Variants in CSMD1 observed in about 807,000 individuals in gnomAD.
The protein encoded by CSMD1 is CUB and sushi domain-containing protein 1.
In CSMD1, 213 loss-of-function variants were observed where a neutral mutation model predicts 417.5. The ratio of observed to expected loss-of-function variants is 0.51; its 90% CI spans 0.46 to 0.57. CSMD1 has a LOEUF of 0.57. CSMD1 is among the 20% of genes least tolerant of loss of function. CSMD1 has a pLI of 0.00. For synonymous variants in CSMD1, 2,862 were observed against 1,736.8 expected (o/e 1.65, Z -16.11); for missense variants, 6,923 against 4,529.7 (o/e 1.53, Z -15.17).
At chr8:3,308,039 C>G (rs1270975290) in intron 24 of CSMD1, among the ~76,000 whole-genome samples, 4 of 151,828 alleles carry the variant, frequency 2.6e-5, no homozygotes, top group Admixed American at 2.6e-4. Context: ...GAGCATAAAG[C>G]AATAAGACAC....
chr8:4,233,793 C>G (rs1249836183), intron 3 of CSMD1, among the ~76,000 whole-genome samples: 1 of 152,068 alleles, frequency 6.6e-6, no homozygotes, highest in Non-Finnish European at 1.5e-5. Context: ...AGTAGAGTAT[C>G]TTTAGGATAT....
chr8:4,468,132 C>T (rs1310671968), intron 2 of CSMD1, among the ~76,000 whole-genome samples: 1 of 152,102 alleles, frequency 6.6e-6, no homozygotes, highest in Non-Finnish European at 1.5e-5. Flanking sequence ...AACTTTTTGA[C>T]TAAAAAAAGC....
At chr8:3,143,252 G>T (rs1345579596) in intron 40 of CSMD1, among the ~76,000 whole-genome samples, 2 of 152,154 alleles carry the variant, frequency 1.3e-5, no homozygotes, top group East Asian at 3.9e-4. Context: ...TAACTGGACG[G>T]TCATACCATA....
intron 5 of CSMD1, among the ~76,000 whole-genome samples, chr8:3,842,818 T>C (rs1803220705): frequency 6.6e-6 from 1 of 152,170 alleles, no homozygotes; most frequent in African/African-American, 2.4e-5. Flanking sequence ...TGTTCAAAAA[T>C]ACATTAGCAG....
At position 3,369,237 on chromosome 8, in the gene CSMD1, C is replaced by G; in HGVS notation, c.2899+17G>C. 1 of 1,220,788 alleles carries G rather than the reference C, an allele frequency of 8.2e-7. No homozygotes were observed. Among genetic ancestry groups the G allele is most frequent in the East Asian group, 2.3e-5 (1 of 42,882 alleles). 75.6% of individuals were successfully genotyped at this position (1,220,788 alleles called of 1,614,324 possible). On this transcript the variant is annotated intron_variant, in intron 19 of 69. Transcript: ENST00000635120. Reference sequence around the variant, plus strand: ...ATTTATTAGTCTGTATGTTTGAGACCTATGATAGATTCTTACCTTTCCCAT... The same window carrying G: ...ATTTATTAGTCTGTATGTTTGAGACGTATGATAGATTCTTACCTTTCCCAT...
intron 18 of CSMD1, among the ~76,000 whole-genome samples, chr8:3,371,257 C>G (rs763262011): frequency 4.5e-4 from 69 of 152,196 alleles, no homozygotes; most frequent in Non-Finnish European, 1.3e-4. Context: ...CTGGAGCACA[C>G]TGACTAATAC....
intron 37 of CSMD1, among the ~76,000 whole-genome samples, chr8:3,169,235 C>G (rs1054188493): frequency 6.6e-6 from 1 of 152,120 alleles, no homozygotes; most frequent in African/African-American, 2.4e-5. Context: ...CTGTTTACAT[C>G]CTAGGAGAAA....
At chr8:3,047,165 G>C (rs1024008181) in intron 50 of CSMD1, among the ~76,000 whole-genome samples, 6 of 127,156 alleles carry the variant, frequency 4.7e-5, no homozygotes, top group Admixed American at 4.1e-4. Flanking sequence ...CCAAGATCCA[G>C]ATCACACCAC....
intron 5 of CSMD1, among the ~76,000 whole-genome samples, chr8:3,908,877 A>C (rs1476608505): frequency 2.0e-5 from 3 of 152,206 alleles, no homozygotes; most frequent in Non-Finnish European, 4.4e-5. Context: ...GTAATATAAT[A>C]ACACACCTTC....
intron 5 of CSMD1, among the ~76,000 whole-genome samples, chr8:3,800,409 A>G (rs1800390902): frequency 6.6e-6 from 1 of 152,174 alleles, no homozygotes; most frequent in Non-Finnish European, 1.5e-5. Flanking sequence ...AATTATTGAC[A>G]CCTGTGAAGT....
chr8:4,246,520 A>T (rs891094974), intron 3 of CSMD1, among the ~76,000 whole-genome samples: 2 of 152,160 alleles, frequency 1.3e-5, no homozygotes, highest in Non-Finnish European at 2.9e-5. Context: ...GACCCTTGTG[A>T]AAATTACTTT....
chr8:3,083,178 A>T (rs10102519), intron 49 of CSMD1, among the ~76,000 whole-genome samples: 15,391 of 152,044 alleles, frequency 0.1, 743 homozygotes, highest in African/African-American at 0.14. Context: ...CTTATATATT[A>T]ACTCTCTTTA....
At chr8:3,776,626 T>C (rs1798899358) in intron 5 of CSMD1, among the ~76,000 whole-genome samples, 1 of 152,058 alleles carries the variant, frequency 6.6e-6, no homozygotes, top group Non-Finnish European at 1.5e-5. Context: ...AGACTCCATA[T>C]CCAGCCATCA....
chr8:4,711,314 A>T (rs1173215147), intron 1 of CSMD1, among the ~76,000 whole-genome samples: 1 of 152,218 alleles, frequency 6.6e-6, no homozygotes, highest in Non-Finnish European at 1.5e-5. Flanking sequence ...AATAAACTGA[A>T]GGGCAAATTA....
intron 3 of CSMD1, among the ~76,000 whole-genome samples, chr8:4,035,119 G>T (rs1013829614): frequency 2.6e-5 from 4 of 152,156 alleles, no homozygotes; most frequent in African/African-American, 7.2e-5. Context: ...CCTAACAACA[G>T]CTCAATGATA....
chr8:4,468,569 C>T (rs1800331399), intron 2 of CSMD1, among the ~76,000 whole-genome samples: 2 of 152,282 alleles, frequency 1.3e-5, no homozygotes, highest in South Asian at 4.1e-4. Flanking sequence ...AATCCTCCTT[C>T]CTTGATTCAT....
At chr8:3,086,409 A>G (rs1288633442) in intron 49 of CSMD1, among the ~76,000 whole-genome samples, 1 of 152,168 alleles carries the variant, frequency 6.6e-6, no homozygotes, top group Admixed American at 6.6e-5. Context: ...ACAAAGCAAT[A>G]CCAGAAAATC....
chr8:3,913,584 G>A (rs571443859), intron 5 of CSMD1, among the ~76,000 whole-genome samples: 82 of 152,320 alleles, frequency 5.4e-4, no homozygotes, highest in African/African-American at 1.9e-3. Context: ...GTGAGTTCCA[G>A]TGCATTTGCC....
At chr8:3,281,467 CTG>C (rs1469951509) in intron 26 of CSMD1, among the ~76,000 whole-genome samples, 2 of 152,056 alleles carry the variant, frequency 1.3e-5, no homozygotes, top group African/African-American at 4.8e-5. Flanking sequence ...GGTAAATAAA[CTG>C]TGGTACAACA....
Sources: gnomAD v4.1 joint callset for allele counts (sites outside exome capture counted in the v4.1 genomes callset) on GRCh38, gnomAD v4.1.1 for gene constraint, MANE v1.5 for transcripts, NCBI Gene and HGNC (gene_info 2026-07-23, HGNC 2026-07-21) for gene names.